The following METTL14 variants were observed in gnomAD, a reference collection of about 807,000 sequenced individuals.
METTL14 encodes methyltransferase 14, N6-adenosine-methyltransferase non-catalytic subunit.
A neutral mutation model predicts 62.4 loss-of-function variants in METTL14; 32 were observed. That is an observed-to-expected ratio of 0.51 (90% CI 0.39 to 0.69). The LOEUF is 0.69. METTL14 is among the 30% of genes least tolerant of loss of function. METTL14 has a pLI of 0.00. For synonymous variants in METTL14, 150 were observed against 180.0 expected (o/e 0.83, Z 1.34); for missense variants, 340 against 551.9 (o/e 0.62, Z 3.85).
chr4:118,694,476 G>A lies in METTL14; in HGVS notation c.453G>A (p.Glu151=). Residue 151 remains glutamate (E), a synonymous_variant, in exon 6 of 11, where the codon GAG becomes GAA. Transcript: ENST00000388822. ...DRFEEYPKLR[E]LIRLKDELIA... ...TTGAAGAATATCCTAAACTGAGGGA[G>A]CTCATCAGGCTAAAGGATGAGTTAA... 1 of 1,613,094 alleles carries A rather than the reference G, an allele frequency of 6.2e-7. No homozygotes were observed. Among genetic ancestry groups the A allele is most frequent in the Non-Finnish European group, 8.5e-7 (1 of 1,179,602 alleles).
intron 5 of METTL14, among the ~76,000 whole-genome samples, chr4:118,693,231 G>T (rs1024476393): frequency 4.6e-5 from 7 of 152,126 alleles, no homozygotes; most frequent in Non-Finnish European, 8.8e-5. Context: ...CATTTGCCTA[G>T]TGACTAATGA....
intron 7 of METTL14, among the ~76,000 whole-genome samples, chr4:118,699,732 C>A (rs1221065059): frequency 6.6e-6 from 1 of 152,102 alleles, no homozygotes; most frequent in East Asian, 1.9e-4. Context: ...TAAAGAAATT[C>A]TATTTTATAT....
chr4:118,712,025 A>C lies in METTL14; in HGVS notation c.*1723A>C, dbSNP rs566183174. 1 of 152,332 alleles carries C rather than the reference A, an allele frequency of 6.6e-6. No homozygotes were observed. The highest frequency in any genetic ancestry group is 1.9e-4 in the East Asian group (1 of 5,184). The allele number at this position is 152,332 out of a possible 1,614,324, so 9.4% of individuals were successfully genotyped here. A position where few individuals can be genotyped will look rare whatever the true frequency, so the allele number is the denominator to read the frequency against. On this transcript the variant is annotated 3_prime_UTR_variant, in exon 11 of 11. Coordinates refer to ENST00000388822, the MANE Select transcript of METTL14 (RefSeq NM_020961.4). ...TAGGTATGGCTGCTTTGTCGGTTGA[A>C]AGTTAAGGGGAGCCATGATCTACCA...
chr4:118,694,565 A>G, intron 6 of METTL14, 39 bp downstream of exon 6: 1 of 1,454,462 alleles, frequency 6.9e-7, no homozygotes, highest in Non-Finnish European at 9.6e-7. Flanking sequence ...TTCCCAACTC[A>G]GGCTTAAAGT....
Position 118,685,506 on chromosome 4 carries a change from T to C in METTL14, c.-29T>C, listed in dbSNP as rs1434019020. 6.2e-7 allele frequency: 1 copy of C among 1,610,914 alleles called. No homozygotes were observed. Among genetic ancestry groups the C allele is most frequent in the Admixed American group, 1.7e-5 (1 of 60,016 alleles). ...GAGTTCACTGGAGATTGACAAGTACTCGGGATAGTGAAAAGCCGGAGTTGG... is the reference window on the plus strand; with the variant it reads ...GAGTTCACTGGAGATTGACAAGTACCCGGGATAGTGAAAAGCCGGAGTTGG... On this transcript the variant is annotated 5_prime_UTR_variant, in exon 1 of 11. Transcript: ENST00000388822.
At position 118,713,670 on chromosome 4, in the gene METTL14, G is replaced by C. The variant is rs1287179137; in HGVS notation, c.*3368G>C. 6.6e-6 allele frequency: 1 copy of C among 152,160 alleles called. No homozygotes were observed. The highest frequency in any genetic ancestry group is 6.5e-5 in the Admixed American group (1 of 15,282). The allele number at this position is 152,160 out of a possible 1,614,324, so 9.4% of individuals were successfully genotyped here. Reference sequence around the variant, plus strand: ...AATCCTGTAATCTTAGGGTTCATGTGTGACTAGCATTATCCTCTCTTTGAT... The same window carrying C: ...AATCCTGTAATCTTAGGGTTCATGTCTGACTAGCATTATCCTCTCTTTGAT... On this transcript the variant is annotated 3_prime_UTR_variant, in exon 11 of 11. Transcript: ENST00000388822.
At chr4:118,694,288 A>T in intron 5 of METTL14, 148 bp from the exon 6 acceptor site, 1 of 569,906 alleles carries the variant, frequency 1.8e-6, no homozygotes, top group Non-Finnish European at 3.1e-6. Flanking sequence ...CATATTATTT[A>T]AAATTATTAG....
chr4:118,688,339 AGGCAGTAGAATT>A (rs1209678080), intron 2 of METTL14, among the ~76,000 whole-genome samples: 2 of 151,948 alleles, frequency 1.3e-5, no homozygotes, highest in Non-Finnish European at 2.9e-5. Context: ...CGGGAGCCTT[AGGCAGTAGAATT>A]GCTTGAAACC....
chr4:118,703,110 A>T (rs1165694705), intron 8 of METTL14, among the ~76,000 whole-genome samples: 2 of 151,906 alleles, frequency 1.3e-5, no homozygotes, highest in African/African-American at 4.8e-5. Context: ...TCCCTCCCCT[A>T]GCCCCCAACC....
chr4:118,695,955 C>T (rs1413538607), intron 6 of METTL14, among the ~76,000 whole-genome samples: 1 of 151,096 alleles, frequency 6.6e-6, no homozygotes, highest in African/African-American at 2.4e-5. Context: ...ATTAAAAATA[C>T]AAAAATTAGC....
Position 118,709,983 on chromosome 4 carries a change from T to C in METTL14, c.1067-15T>C. 2 of 1,569,932 alleles carry C rather than the reference T, an allele frequency of 1.3e-6. No homozygotes were observed. Among genetic ancestry groups the C allele is most frequent in the African/African-American group, 2.8e-5 (2 of 72,680 alleles). On this transcript the variant is annotated splice_polypyrimidine_tract_variant and intron_variant, in intron 10 of 10. Coordinates refer to ENST00000388822, the MANE Select transcript of METTL14 (RefSeq NM_020961.4). ...TTGCAAATAAAAAGTATAATCTTTTTTTCCTCCATTTCAGGCTGGCTCACA... is the reference window on the plus strand; with the variant it reads ...TTGCAAATAAAAAGTATAATCTTTTCTTCCTCCATTTCAGGCTGGCTCACA...
Position 118,712,647 on chromosome 4 carries a change from A to G in METTL14, c.*2345A>G, listed in dbSNP as rs1240562995. ...AAAAAAAAAAAAAAATTGTATAGAA[A>G]TAAATTTTTAGTTGCTTTATGCACT... On this transcript the variant is annotated 3_prime_UTR_variant, in exon 11 of 11. Transcript: ENST00000388822. The G allele has an allele frequency of 6.6e-6, 1 of 152,124 alleles. No homozygotes were observed. The highest frequency in any genetic ancestry group is 2.4e-5 in the African/African-American group (1 of 41,426). The allele number at this position is 152,124 out of a possible 1,614,324, so 9.4% of individuals were successfully genotyped here. A position where few individuals can be genotyped will look rare whatever the true frequency, so the allele number is the denominator to read the frequency against.
intron 2 of METTL14, among the ~76,000 whole-genome samples, chr4:118,688,439 C>T (rs550163433): frequency 1.4e-3 from 120 of 84,852 alleles, no homozygotes; most frequent in African/African-American, 3.7e-3. Context: ...GAGACTCCGT[C>T]TCAAAAAAAA....
intron 8 of METTL14, among the ~76,000 whole-genome samples, chr4:118,703,238 A>G (rs1176888549): frequency 6.6e-6 from 1 of 151,812 alleles, no homozygotes; most frequent in Non-Finnish European, 1.5e-5. Flanking sequence ...TGTCTTATTC[A>G]TGTTTTTATT....
Position 118,697,108 on chromosome 4 carries a change from T to A in METTL14, c.504-74T>A, listed in dbSNP as rs1724435729. Reference sequence around the variant, plus strand: ...CTAAGACATTTCTTTCATTACCATCTGTTAAGGTACTTGAAAATCTTATTT... The same window carrying A: ...CTAAGACATTTCTTTCATTACCATCAGTTAAGGTACTTGAAAATCTTATTT... On this transcript the variant is annotated intron_variant, in intron 6 of 10. Coordinates refer to ENST00000388822, the MANE Select transcript of METTL14 (RefSeq NM_020961.4). The A allele has an allele frequency of 7.3e-6, 8 of 1,093,836 alleles. No homozygotes were observed. In the South Asian group the frequency reaches 1.3e-4, roughly 18 times the overall value. The allele number at this position is 1,093,836 out of a possible 1,614,324, so 67.8% of individuals were successfully genotyped here.
Position 118,687,916 on chromosome 4 carries a change from T to C in METTL14, c.67-7T>C. The C allele has an allele frequency of 6.2e-7, 1 of 1,612,880 alleles. No individual in the cohort carries two copies. The highest frequency in any genetic ancestry group is 8.5e-7 in the Non-Finnish European group (1 of 1,179,504). ...GCAATCTAATTTCTGATTTTGTCTT[T>C]TCTCAGTTGGGAGCTGAAAGTGCCG... On this transcript the variant is annotated splice_region_variant and splice_polypyrimidine_tract_variant and intron_variant, in intron 1 of 10. Transcript: ENST00000388822.
At chr4:118,707,529 T>G (rs1168509684) in intron 10 of METTL14, among the ~76,000 whole-genome samples, 15 of 151,692 alleles carry the variant, frequency 9.9e-5, no homozygotes, top group Admixed American at 9.9e-4. Context: ...CTGGGTGTGG[T>G]GGTGTGTGCC....
At chr4:118,695,328 C>G (rs545131971) in intron 6 of METTL14, among the ~76,000 whole-genome samples, 1 of 152,112 alleles carries the variant, frequency 6.6e-6, no homozygotes, top group Admixed American at 6.5e-5. Context: ...GCAGGTGGAT[C>G]ACCTGAGGTC....
At position 118,713,883 on chromosome 4, in the gene METTL14, C is replaced by T. The variant is rs976989171; in HGVS notation, c.*3581C>T. On this transcript the variant is annotated 3_prime_UTR_variant, in exon 11 of 11. Transcript: ENST00000388822. ...CATTTACTCGTATAAATATTGCTAG[C>T]TGTAATGCACAGAGAAAAACTACCT... The T allele has an allele frequency of 2.6e-5, 4 of 152,202 alleles. No individual in the cohort carries two copies. Among genetic ancestry groups the T allele is most frequent in the African/African-American group, 9.6e-5 (4 of 41,456 alleles). 9.4% of individuals were successfully genotyped at this position (152,202 alleles called of 1,614,324 possible).
Sources: allele counts gnomAD v4.1 joint callset (sites outside exome capture counted in the v4.1 genomes callset), GRCh38; gene constraint gnomAD v4.1.1; transcripts MANE v1.5; gene names NCBI Gene and HGNC (gene_info 2026-07-23, HGNC 2026-07-21).